Variants in ASTN1 observed in about 807,000 individuals in gnomAD.
ASTN1 encodes astrotactin-1.
ASTN1 carries 41 observed loss-of-function variants against 140.7 expected under a neutral mutation model. That is an observed-to-expected ratio of 0.29 (90% CI 0.23 to 0.38). The LOEUF is 0.38. ASTN1 is among the 10% of genes least tolerant of loss of function. ASTN1 has a pLI of 1.00. For missense variants in ASTN1, 1,479 were observed against 1,678.8 expected (o/e 0.88, Z 2.08); for synonymous variants, 640 against 652.2 (o/e 0.98, Z 0.29).
At chr1:177,132,797 G>A (rs1682003046) in intron 1 of ASTN1, among the ~76,000 whole-genome samples, 1 of 152,174 alleles carries the variant, frequency 6.6e-6, no homozygotes, top group Non-Finnish European at 1.5e-5. Context: ...CTGCTATGAT[G>A]CCAGTAAAGC....
intron 1 of ASTN1, among the ~76,000 whole-genome samples, chr1:177,108,984 A>T (rs1441375485): frequency 1.3e-5 from 2 of 152,130 alleles, no homozygotes; most frequent in Non-Finnish European, 2.9e-5. Flanking sequence ...GAGAAGGATA[A>T]GCTGGAAAAG....
chr1:176,931,084 G>A (rs1031578991), intron 16 of ASTN1, among the ~76,000 whole-genome samples: 1 of 152,174 alleles, frequency 6.6e-6, no homozygotes, highest in African/African-American at 2.4e-5. Context: ...GGCAAAGAAC[G>A]ATGGGAGAAG....
chr1:177,130,532 C>T (rs1240234939), intron 1 of ASTN1, among the ~76,000 whole-genome samples: 2 of 152,116 alleles, frequency 1.3e-5, no homozygotes, highest in Admixed American at 1.3e-4. Flanking sequence ...GCTTCACCTC[C>T]CCCACTTAAA....
intron 1 of ASTN1, among the ~76,000 whole-genome samples, chr1:177,069,839 A>G (rs544531138): frequency 6.6e-6 from 1 of 152,164 alleles, no homozygotes; most frequent in East Asian, 1.9e-4. Flanking sequence ...GATACTCATT[A>G]AAGTCTCATT....
intron 15 of ASTN1, among the ~76,000 whole-genome samples, chr1:176,934,792 T>C (rs1671363921): frequency 6.6e-6 from 1 of 152,086 alleles, no homozygotes; most frequent in Non-Finnish European, 1.5e-5. Flanking sequence ...GTTGTGTGCA[T>C]GTGGGAGTAT....
intron 2 of ASTN1, among the ~76,000 whole-genome samples, chr1:177,038,459 G>A (rs1481950556): frequency 6.6e-6 from 1 of 152,014 alleles, no homozygotes; most frequent in East Asian, 1.9e-4. Context: ...AGGGAGAGGA[G>A]AAAGAAGAAA....
intron 2 of ASTN1, among the ~76,000 whole-genome samples, chr1:177,051,973 A>C (rs1311497025): frequency 6.6e-6 from 1 of 152,188 alleles, no homozygotes; most frequent in Non-Finnish European, 1.5e-5. Context: ...TTATCACCCT[A>C]AATCATAAGA....
intron 21 of ASTN1, among the ~76,000 whole-genome samples, chr1:176,874,208 G>T (rs1010054783): frequency 6.6e-6 from 1 of 152,178 alleles, no homozygotes. Flanking sequence ...TGAAATAAGG[G>T]TGTCATGGGT....
chr1:177,097,451 C>T (rs79828449), intron 1 of ASTN1, among the ~76,000 whole-genome samples: 4,636 of 152,234 alleles, frequency 0.03, 115 homozygotes, highest in East Asian at 0.11. Context: ...CTATGCAATT[C>T]ATTTAATAAA....
chr1:176,869,577 C>G (rs1397220958), intron 21 of ASTN1, among the ~76,000 whole-genome samples: 1 of 152,170 alleles, frequency 6.6e-6, no homozygotes, highest in Admixed American at 6.5e-5. Context: ...CATGAAGGAG[C>G]TGGCCATGCC....
chr1:176,925,875 G>A lies in ASTN1; in HGVS notation c.2671+8277C>T, dbSNP rs551262312. Among the ~76,000 whole-genome samples the A allele has an allele frequency of 7.6e-4, 114 of 149,092 alleles. 1 individual carries two copies. Among genetic ancestry groups the A allele is most frequent in the African/African-American group, 1.5e-3 (60 of 40,636 alleles). ...GGCTGGACTGCAGTGGCACAATCTC[G>A]GCTCACTGTAAGCTCTGCCTCCCGG... On this transcript the variant is annotated intron_variant, in intron 16 of 22. Transcript: ENST00000361833.
chr1:177,115,796 A>T (rs1681057355), intron 1 of ASTN1, among the ~76,000 whole-genome samples: 1 of 152,192 alleles, frequency 6.6e-6, no homozygotes, highest in Non-Finnish European at 1.5e-5. Flanking sequence ...ATTCCCATAG[A>T]TAACTACTGC....
At chr1:177,058,301 G>A (rs1306947241) in intron 2 of ASTN1, among the ~76,000 whole-genome samples, 2 of 152,102 alleles carry the variant, frequency 1.3e-5, no homozygotes, top group Non-Finnish European at 2.9e-5. Context: ...ACATACAAGA[G>A]GCCAACCCAA....
At chr1:176,925,160 G>T (rs554735018) in intron 16 of ASTN1, among the ~76,000 whole-genome samples, 12 of 152,160 alleles carry the variant, frequency 7.9e-5, no homozygotes, top group African/African-American at 2.9e-4. Flanking sequence ...GAAAAGCCTT[G>T]GTCCAAAGTG....
chr1:176,861,012 A>G, downstream of ASTN1: 8 of 876,560 alleles, frequency 9.1e-6, no homozygotes, highest in Non-Finnish European at 1.1e-5. Flanking sequence ...AAGTTCCCTG[A>G]TGAGTCTAAC....
At chr1:177,089,110 C>A (rs1393144262) in intron 1 of ASTN1, among the ~76,000 whole-genome samples, 1 of 152,122 alleles carries the variant, frequency 6.6e-6, no homozygotes, top group African/African-American at 2.4e-5. Context: ...GGCTATATAA[C>A]TAGCTACAGC....
chr1:177,024,494 C>G, intron 6 of ASTN1, 89 bp downstream of exon 6: 1 of 1,493,486 alleles, frequency 6.7e-7, no homozygotes, highest in South Asian at 1.3e-5. Flanking sequence ...TAATAGGTAA[C>G]AGTGACTCCT....
chr1:176,946,710 C>T (rs552619410), intron 12 of ASTN1, among the ~76,000 whole-genome samples: 1 of 152,296 alleles, frequency 6.6e-6, no homozygotes, highest in African/African-American at 2.4e-5. Flanking sequence ...GAGTAGCCTT[C>T]CTGAACTAAA....
At chr1:176,925,812 C>CTTTT (rs10658674) in intron 16 of ASTN1, among the ~76,000 whole-genome samples, 6 of 142,522 alleles carry the variant, frequency 4.2e-5, no homozygotes, top group African/African-American at 1.0e-4. Context: ...TAAAGGCATT[C>CTTTT]TTTTTTTTTT....
Sources: gnomAD v4.1 joint callset for allele counts (sites outside exome capture counted in the v4.1 genomes callset) on GRCh38, gnomAD v4.1.1 for gene constraint, MANE v1.5 for transcripts, NCBI Gene and HGNC (gene_info 2026-07-23, HGNC 2026-07-21) for gene names.